UBE2E2: variants seen among roughly 807,000 people sequenced by gnomAD.
UBE2E2 encodes ubiquitin conjugating enzyme E2 E2.
A neutral mutation model predicts 24.7 loss-of-function variants in UBE2E2; 6 were observed. The ratio of observed to expected loss-of-function variants is 0.24; its 90% CI spans 0.13 to 0.48. The LOEUF (loss-of-function observed/expected upper bound fraction) is 0.48, where lower values mean the gene tolerates loss of function less well. Among genes scored for constraint, UBE2E2 ranks in the 20% least tolerant of loss-of-function variants. The probability of loss-of-function intolerance (pLI) is 0.99; values close to 1 mark genes in which losing one functional copy is unlikely to be tolerated. For synonymous variants in UBE2E2, 104 were observed against 83.6 expected (o/e 1.24, Z -1.33); for missense variants, 169 against 245.0 (o/e 0.69, Z 2.07).
rs915336901 is a variant in UBE2E2 at position 23,212,668 on chromosome 3, T to C, written c.176+3793T>C. Among the ~76,000 whole-genome samples the C allele has an allele frequency of 5.9e-5, 9 of 152,132 alleles. 1 individual carries two copies. Among genetic ancestry groups the C allele is most frequent in the Admixed American group, 5.2e-4 (8 of 15,276 alleles). On this transcript the variant is annotated intron_variant, in intron 2 of 5. Coordinates refer to ENST00000396703, the MANE Select transcript of UBE2E2 (RefSeq NM_152653.4). Reference sequence around the variant, plus strand: ...TTCCACTGTATTCCAGTTTGAACTTTTATCATATGGGCTCGTCTAAGTTTG... The same window carrying C: ...TTCCACTGTATTCCAGTTTGAACTTCTATCATATGGGCTCGTCTAAGTTTG...
chr3:23,258,978 G>A (rs182478476), intron 3 of UBE2E2, among the ~76,000 whole-genome samples: 3 of 145,090 alleles, frequency 2.1e-5, no homozygotes, highest in Admixed American at 6.8e-5. Flanking sequence ...ATAATGTTTT[G>A]ACTTATACAA....
At chr3:23,205,823 A>G (rs772209412) in intron 1 of UBE2E2, among the ~76,000 whole-genome samples, 18 of 152,284 alleles carry the variant, frequency 1.2e-4, no homozygotes, top group Non-Finnish European at 2.1e-4. Context: ...TTCCTCTAAT[A>G]TTCGGCAGTA....
Position 23,589,469 on chromosome 3 carries a change from A to G in UBE2E2, c.509-265A>G, listed in dbSNP as rs1047457627. Among the ~76,000 whole-genome samples, 8 of 151,958 alleles carry G rather than the reference A, an allele frequency of 5.3e-5. No individual in the cohort carries two copies. The highest frequency in any genetic ancestry group is 4.6e-4 in the Admixed American group (7 of 15,266). ...ATACGAGGGGAGCAAGGTGAGAAGT[A>G]TGTGGTGGGTACAGGGAAAGAGAAT... On this transcript the variant is annotated intron_variant, in intron 5 of 5. Transcript: ENST00000396703. This position sits in a 1 kb window ranked among gnomAD's most constrained non-coding sequence, Gnocchi z 4.1.
At chr3:23,487,870 A>T (rs946960848) in intron 3 of UBE2E2, among the ~76,000 whole-genome samples, 8 of 152,126 alleles carry the variant, frequency 5.3e-5, no homozygotes, top group Admixed American at 2.6e-4. Flanking sequence ...TTTTGCTGTT[A>T]GTCTTCTGGT....
intron 3 of UBE2E2, among the ~76,000 whole-genome samples, chr3:23,310,906 A>T (rs1274466716): frequency 6.6e-6 from 1 of 152,068 alleles, no homozygotes; most frequent in Admixed American, 6.6e-5. Flanking sequence ...TGTGCACAAC[A>T]TGCAGGTTTG....
At chr3:23,203,963 G>T (rs748506864) in intron 1 of UBE2E2, among the ~76,000 whole-genome samples, 10 of 152,036 alleles carry the variant, frequency 6.6e-5, no homozygotes, top group Admixed American at 2.0e-4. Context: ...GCCCGGAGAA[G>T]ACCTTGTGGG....
intron 3 of UBE2E2, among the ~76,000 whole-genome samples, chr3:23,427,266 A>C (rs1482314126): frequency 6.8e-6 from 1 of 147,934 alleles, no homozygotes; most frequent in Non-Finnish European, 1.5e-5. Flanking sequence ...TACCAAAAAA[A>C]AAAAAAAAAA....
At chr3:23,362,643 G>A (rs1210850724) in intron 3 of UBE2E2, among the ~76,000 whole-genome samples, 1 of 152,120 alleles carries the variant, frequency 6.6e-6, no homozygotes, top group Non-Finnish European at 1.5e-5. Context: ...CCTGCCACAG[G>A]TAGCCAGGCA....
chr3:23,208,070 GTCACT>G (rs1429849455), intron 1 of UBE2E2, among the ~76,000 whole-genome samples: 2 of 151,484 alleles, frequency 1.3e-5, no homozygotes, highest in Non-Finnish European at 1.5e-5. Context: ...GTCTTGCTCT[GTCACT>G]CAGGCTGGAA....
chr3:23,231,454 C>A (rs373886567), intron 3 of UBE2E2, among the ~76,000 whole-genome samples: 1 of 152,086 alleles, frequency 6.6e-6, no homozygotes, highest in South Asian at 2.1e-4. Flanking sequence ...AAACTCAGGA[C>A]GCTTTTAAAA....
rs138015921 is a variant in UBE2E2, at chr3:23,488,500, C to T, written c.228-11108C>T. ...GTCTGTCTAAGATAGTTAACTGTCC[C>T]TCAGATCTGCCCCATCTTAACTTCT... On this transcript the variant is annotated intron_variant, in intron 3 of 5. Coordinates refer to ENST00000396703, the MANE Select transcript of UBE2E2 (RefSeq NM_152653.4). Among the ~76,000 whole-genome samples, 97 of 152,284 alleles carry T rather than the reference C, an allele frequency of 6.4e-4. 5 individuals carry two copies. The East Asian group carries it at 0.015, about 24-fold the overall frequency.
chr3:23,423,424 C>T (rs1479112021), intron 3 of UBE2E2, among the ~76,000 whole-genome samples: 3 of 152,150 alleles, frequency 2.0e-5, no homozygotes, highest in Admixed American at 2.0e-4. Context: ...TTTCTTTACT[C>T]AGTATACATA....
chr3:23,277,573 T>C (rs1027959758), intron 3 of UBE2E2, among the ~76,000 whole-genome samples: 4 of 152,154 alleles, frequency 2.6e-5, no homozygotes, highest in Non-Finnish European at 4.4e-5. Context: ...CATTTCTCCT[T>C]TGTTTTTTAA....
intron 5 of UBE2E2, among the ~76,000 whole-genome samples, chr3:23,577,106 T>C (rs1442035700): frequency 1.3e-5 from 2 of 152,022 alleles, no homozygotes; most frequent in Non-Finnish European, 2.9e-5. Context: ...ACTATTGTAA[T>C]TGATTTGTAA....
At chr3:23,548,947 C>T (rs1375564231) in intron 5 of UBE2E2, among the ~76,000 whole-genome samples, 2 of 152,168 alleles carry the variant, frequency 1.3e-5, no homozygotes, top group African/African-American at 4.8e-5. Flanking sequence ...CCCATCAGCT[C>T]TCAAAAGAGG....
intron 3 of UBE2E2, among the ~76,000 whole-genome samples, chr3:23,306,853 C>A (rs554551795): frequency 1.3e-5 from 2 of 152,302 alleles, no homozygotes; most frequent in Admixed American, 6.5e-5. Context: ...ACAATCCAGA[C>A]AGACCTGTTA....
chr3:23,461,509 G>T (rs1281006982), intron 3 of UBE2E2, among the ~76,000 whole-genome samples: 1 of 151,724 alleles, frequency 6.6e-6, no homozygotes, highest in Non-Finnish European at 1.5e-5. Context: ...AGGAAATTAT[G>T]TTAATAAATT....
chr3:23,331,076 A>G (rs1379613299), intron 3 of UBE2E2, among the ~76,000 whole-genome samples: 1 of 151,942 alleles, frequency 6.6e-6, no homozygotes, highest in Non-Finnish European at 1.5e-5. Context: ...ATTACTTTGG[A>G]TTTTAAAAGT....
intron 5 of UBE2E2, among the ~76,000 whole-genome samples, chr3:23,588,439 G>C (rs369801909): frequency 1.0e-4 from 13 of 125,880 alleles, no homozygotes; most frequent in South Asian, 2.6e-4. Flanking sequence ...TTTTTTTAAA[G>C]AGGGTCTCAC....
Sources: allele counts gnomAD v4.1 joint callset (sites outside exome capture counted in the v4.1 genomes callset), GRCh38; gene constraint gnomAD v4.1.1; non-coding constraint Gnocchi (gnomAD v3.1); transcripts MANE v1.5; gene names NCBI Gene and HGNC (gene_info 2026-07-23, HGNC 2026-07-21).